The following MFSD6 variants were observed in gnomAD, a reference collection of about 807,000 sequenced individuals.
MFSD6 encodes the protein major facilitator superfamily domain containing 6, also known as major facilitator superfamily domain-containing protein 6.
A neutral mutation model predicts 56.3 loss-of-function variants in MFSD6; 26 were observed. The ratio of observed to expected loss-of-function variants is 0.46; its 90% confidence interval spans 0.34 to 0.64. The LOEUF (loss-of-function observed/expected upper bound fraction) is 0.64, where lower values mean the gene tolerates loss of function less well. MFSD6 is among the 30% of genes least tolerant of loss of function. The pLI is 0.01. For synonymous variants in MFSD6, 331 were observed against 366.9 expected (o/e 0.90, Z 1.12); for missense variants, 750 against 986.2 (o/e 0.76, Z 3.21).
intron 4 of MFSD6, among the ~76,000 whole-genome samples, chr2:190,480,816 C>T (rs888917504): frequency 1.3e-5 from 2 of 152,052 alleles, no homozygotes; most frequent in African/African-American, 4.8e-5. Flanking sequence ...TAGCACAGTA[C>T]CTGACCCACA....
Position 190,458,541 on chromosome 2 carries a change from C to G in MFSD6, c.1533-11217C>G, listed in dbSNP as rs1410481946. The stretch of plus-strand genomic sequence containing the variant: ...AGTCTGTGGTATTTGTTACAGCAGC[C>G]TTAGCAAACTAATACAGTCCTGTAG... On this transcript the variant is annotated intron_variant, in intron 3 of 7. Coordinates refer to ENST00000392328, the MANE Select transcript of MFSD6 (RefSeq NM_017694.4). This position sits in a 1 kb window ranked among gnomAD's most constrained non-coding sequence, Gnocchi z 5.3. 6.6e-6 allele frequency among the ~76,000 whole-genome samples: 1 copy of G among 152,162 alleles called. No homozygotes were observed. Among genetic ancestry groups the G allele is most frequent in the Non-Finnish European group, 1.5e-5 (1 of 68,026 alleles).
At chr2:190,452,469 C>A (rs1460607417) in intron 3 of MFSD6, among the ~76,000 whole-genome samples, 2 of 152,070 alleles carry the variant, frequency 1.3e-5, no homozygotes, top group African/African-American at 4.8e-5. Flanking sequence ...TTGTTATGTC[C>A]ATTTTAGAGA....
intron 1 of MFSD6, among the ~76,000 whole-genome samples, chr2:190,414,099 G>A (rs1014133284): frequency 6.6e-6 from 1 of 151,986 alleles, no homozygotes; most frequent in African/African-American, 2.4e-5. Flanking sequence ...GAAGTACTGT[G>A]TTCCTGGGGC....
chr2:190,420,222 G>A (rs1282290919), intron 2 of MFSD6, among the ~76,000 whole-genome samples: 3 of 150,242 alleles, frequency 2.0e-5, no homozygotes, highest in Admixed American at 6.6e-5. Flanking sequence ...ATATAGACAG[G>A]GTTGCTTGAA....
In MFSD6 at chr2:190,423,836, G is replaced by T. The variant is rs1685706679; in HGVS notation, c.-54+8423G>T. 6.6e-6 allele frequency among the ~76,000 whole-genome samples: 1 copy of T among 152,134 alleles called. No individual in the cohort carries two copies. Among genetic ancestry groups the T allele is most frequent in the Non-Finnish European group, 1.5e-5 (1 of 68,026 alleles). The stretch of plus-strand genomic sequence containing the variant: ...TATTTTTATTTTAACCATTCTTATA[G>T]ACGTGTAGTGATATAGCATCATGGT... On this transcript the variant is annotated intron_variant, in intron 2 of 7. Coordinates refer to ENST00000392328, the MANE Select transcript of MFSD6 (RefSeq NM_017694.4). This position sits in a 1 kb window ranked among gnomAD's most constrained non-coding sequence, Gnocchi z 4.3.
chr2:190,420,643 A>ACC (rs1685574717), intron 2 of MFSD6, among the ~76,000 whole-genome samples: 1 of 152,224 alleles, frequency 6.6e-6, no homozygotes, highest in Non-Finnish European at 1.5e-5. Flanking sequence ...GACAAATTAA[A>ACC]TATAATCCAC....
rs1005750150 is a variant in MFSD6 at position 190,498,424 on chromosome 2, CATAAAA to C, written c.2172+711_2172+716del. On this transcript the variant is annotated intron_variant, in intron 7 of 7. Coordinates refer to ENST00000392328, the MANE Select transcript of MFSD6 (RefSeq NM_017694.4). The surrounding 1 kb of genome is among the most constrained non-coding windows in gnomAD (Gnocchi z 5.9). ...TTGTCTGGAGTAGCTTCAGAGGACA[CATAAAA>C]ATAAAGGGGAAAGATTTAAAAATAA... Among the ~76,000 whole-genome samples the C allele has an allele frequency of 1.2e-4, 19 of 152,078 alleles. No homozygotes were observed. Among genetic ancestry groups the C allele is most frequent in the African/African-American group, 3.4e-4 (14 of 41,398 alleles).
chr2:190,487,277 G>T lies in MFSD6; in HGVS notation c.1631-1380G>T, dbSNP rs1689068416. Among the ~76,000 whole-genome samples, 1 of 152,188 alleles carries T rather than the reference G, an allele frequency of 6.6e-6. No individual in the cohort carries two copies. Among genetic ancestry groups the T allele is most frequent in the Non-Finnish European group, 1.5e-5 (1 of 68,042 alleles). On this transcript the variant is annotated intron_variant, in intron 4 of 7. Transcript: ENST00000392328. The surrounding 1 kb of genome is among the most constrained non-coding windows in gnomAD (Gnocchi z 5.5). ...GATCGCTTGAACCCAGGAAGCAGAG[G>T]TTGCAGTGAGCTGAGGTCGTGCCAC...
chr2:190,427,027 T>G (rs757879194), intron 2 of MFSD6, among the ~76,000 whole-genome samples: 24 of 152,218 alleles, frequency 1.6e-4, no homozygotes, highest in African/African-American at 4.8e-4. Flanking sequence ...CCAGTAGGCC[T>G]CCTCACATGG....
rs150804795 is a variant in MFSD6, at chr2:190,460,899, A to C, written c.1533-8859A>C. On this transcript the variant is annotated intron_variant, in intron 3 of 7. Transcript: ENST00000392328. ...AATCTTCTTCATATCAGCAATTTTG[A>C]TGCAGATGTTCCTACTGTGTTACGT... Among the ~76,000 whole-genome samples the C allele has an allele frequency of 6.6e-5, 10 of 152,322 alleles. No homozygotes were observed. The East Asian group carries it at 1.9e-3, about 29-fold the overall frequency.
intron 4 of MFSD6, among the ~76,000 whole-genome samples, chr2:190,473,349 G>A (rs1194665154): frequency 6.6e-5 from 10 of 152,092 alleles, no homozygotes; most frequent in African/African-American, 7.2e-5. Flanking sequence ...CCCATCTCAC[G>A]TGCAGAAACA....
rs757689266 is a variant in MFSD6 at position 190,456,702 on chromosome 2, T to C, written c.1533-13056T>C. 1.3e-5 allele frequency among the ~76,000 whole-genome samples: 2 copies of C among 152,210 alleles called. No individual in the cohort carries two copies. Among genetic ancestry groups the C allele is most frequent in the African/African-American group, 4.8e-5 (2 of 41,446 alleles). On this transcript the variant is annotated intron_variant, in intron 3 of 7. Transcript: ENST00000392328. This position sits in a 1 kb window ranked among gnomAD's most constrained non-coding sequence, Gnocchi z 5.4. ...CATCCACTTCTGATTATTTAAAGTC[T>C]GCCTGCTTGATACAGCTCATGTCCA...
chr2:190,469,638 G>T lies in MFSD6; in HGVS notation c.1533-120G>T. 2.1e-6 allele frequency: 1 copy of T among 474,132 alleles called. No individual in the cohort carries two copies. Among genetic ancestry groups the T allele is most frequent in the South Asian group, 8.3e-5 (1 of 12,112 alleles). 29.4% of individuals were successfully genotyped at this position (474,132 alleles called of 1,614,324 possible). On this transcript the variant is annotated intron_variant, in intron 3 of 7. Transcript: ENST00000392328. This position sits in a 1 kb window ranked among gnomAD's most constrained non-coding sequence, Gnocchi z 5.3. ...AGTCTGCTGGATGATGGGTGGTTTG[G>T]GGAAGGAAAAGGTAGGTAATATTTG...
rs1689578497 is a variant in MFSD6 at position 190,494,923 on chromosome 2, C to T, written c.1892-2516C>T. Among the ~76,000 whole-genome samples, 1 of 152,066 alleles carries T rather than the reference C, an allele frequency of 6.6e-6. No homozygotes were observed. The highest frequency in any genetic ancestry group is 1.5e-5 in the Non-Finnish European group (1 of 68,010). ...GAACAGGGAGAAGTTGGAAGCATTCCCTCTGAAAATTGGAACAAGACAAGG... is the reference window on the plus strand; with the variant it reads ...GAACAGGGAGAAGTTGGAAGCATTCTCTCTGAAAATTGGAACAAGACAAGG... On this transcript the variant is annotated intron_variant, in intron 6 of 7. Coordinates refer to ENST00000392328, the MANE Select transcript of MFSD6 (RefSeq NM_017694.4). This position sits in a 1 kb window ranked among gnomAD's most constrained non-coding sequence, Gnocchi z 5.7.
chr2:190,452,176 A>G (rs1686796982), intron 3 of MFSD6, among the ~76,000 whole-genome samples: 1 of 152,046 alleles, frequency 6.6e-6, no homozygotes, highest in Non-Finnish European at 1.5e-5. Context: ...AATCGCTTGA[A>G]CCTGGGAAGT....
chr2:190,472,288 C>A (rs1021477435), intron 4 of MFSD6, among the ~76,000 whole-genome samples: 3 of 152,026 alleles, frequency 2.0e-5, no homozygotes, highest in African/African-American at 7.2e-5. Context: ...CAAACTACTC[C>A]GAGCTAAAGG....
At chr2:190,480,249 C>T (rs1173696841) in intron 4 of MFSD6, among the ~76,000 whole-genome samples, 5 of 152,198 alleles carry the variant, frequency 3.3e-5, no homozygotes, top group Non-Finnish European at 7.3e-5. Context: ...TATTGTCTAA[C>T]TTAGTTTAAA....
rs1368969548 is a variant in MFSD6 at position 190,437,780 on chromosome 2, T to C, written c.1532+219T>C. On this transcript the variant is annotated intron_variant, in intron 3 of 7. Coordinates refer to ENST00000392328, the MANE Select transcript of MFSD6 (RefSeq NM_017694.4). This position sits in a 1 kb window ranked among gnomAD's most constrained non-coding sequence, Gnocchi z 5.9. Reference sequence around the variant, plus strand: ...TATCTCAAATAAACAAAGAATGGCTTCCTCTGCTCTCCCACCCCACAGAAA... The same window carrying C: ...TATCTCAAATAAACAAAGAATGGCTCCCTCTGCTCTCCCACCCCACAGAAA... 6.6e-6 allele frequency among the ~76,000 whole-genome samples: 1 copy of C among 152,098 alleles called. No homozygotes were observed. Among genetic ancestry groups the C allele is most frequent in the Non-Finnish European group, 1.5e-5 (1 of 68,024 alleles).
In MFSD6 at chr2:190,469,855, G is replaced by A; in HGVS notation, c.1630G>A (p.Gly544Arg). The change falls in exon 4 of 8, where the codon GGA becomes AGA. Residue 544 changes from glycine (G) to arginine (R), a missense_variant and splice_region_variant. Coordinates refer to ENST00000392328, the MANE Select transcript of MFSD6 (RefSeq NM_017694.4). This position sits in a 1 kb window ranked among gnomAD's most constrained non-coding sequence, Gnocchi z 5.3. ...WTVLPMEVLQGVTHAAIWAAC... is the reference protein window; with the variant it reads ...WTVLPMEVLQRVTHAAIWAAC... ...TGTTCTCCCCATGGAAGTTCTTCAA[G>A]GTAAGTTAACAGCTGGGATTGAAAT... is the stretch of plus-strand genomic sequence containing the variant. The A allele has an allele frequency of 6.3e-7, 1 of 1,589,326 alleles. No homozygotes were observed. The highest frequency in any genetic ancestry group is 8.6e-7 in the Non-Finnish European group (1 of 1,161,974).
Sources: allele counts gnomAD v4.1 joint callset (sites outside exome capture counted in the v4.1 genomes callset), GRCh38; gene constraint gnomAD v4.1.1; non-coding constraint Gnocchi (gnomAD v3.1); transcripts MANE v1.5; gene names NCBI Gene and HGNC (gene_info 2026-07-23, HGNC 2026-07-21).